Variants in KCND3 observed in about 807,000 individuals in gnomAD.
The protein encoded by KCND3 is potassium voltage-gated channel subfamily D member 3.
Under a neutral mutation model 51.1 loss-of-function variants are expected in KCND3, and 9 were observed. That is an observed-to-expected ratio of 0.18 (90% CI 0.11 to 0.31). The LOEUF is 0.31. Among genes scored for constraint, KCND3 ranks in the 10% least tolerant of loss-of-function variants. KCND3 has a pLI of 1.00. For synonymous variants in KCND3, 349 were observed against 368.0 expected (o/e 0.95, Z 0.59); for missense variants, 526 against 903.8 (o/e 0.58, Z 5.36).
chr1:111,886,796 G>T (rs1396449422), intron 2 of KCND3, among the ~76,000 whole-genome samples: 3 of 152,336 alleles, frequency 2.0e-5, no homozygotes, highest in South Asian at 4.1e-4. Flanking sequence ...CATGCCTGAG[G>T]TGACATGGCC....
chr1:111,879,531 G>A (rs538279343), intron 2 of KCND3, among the ~76,000 whole-genome samples: 1 of 152,292 alleles, frequency 6.6e-6, no homozygotes, highest in African/African-American at 2.4e-5. Flanking sequence ...TTCTTTCCAA[G>A]CTCTGCATGT....
chr1:111,896,640 G>C (rs759107982), intron 2 of KCND3, among the ~76,000 whole-genome samples: 8 of 152,276 alleles, frequency 5.3e-5, no homozygotes, highest in Middle Eastern at 3.4e-3. Context: ...TCCACTCAGC[G>C]GACAGCAATA....
In KCND3 at chr1:111,773,380, G is replaced by T. The variant is rs1231293699; in HGVS notation, c.*2697C>A. 6.7e-6 allele frequency: 1 copy of T among 148,556 alleles called. No individual in the cohort carries two copies. Among genetic ancestry groups the T allele is most frequent in the Non-Finnish European group, 1.5e-5 (1 of 67,178 alleles). The allele number at this position is 148,556 out of a possible 1,614,324, so 9.2% of individuals were successfully genotyped here. ...TAAATTCATCACAGGAAGTTTGTATGTGTGTGCAACCAGTTCTAATTTACC... is the reference window on the plus strand; with the variant it reads ...TAAATTCATCACAGGAAGTTTGTATTTGTGTGCAACCAGTTCTAATTTACC... On this transcript the variant is annotated 3_prime_UTR_variant, in exon 8 of 8. Coordinates refer to ENST00000302127, the MANE Select transcript of KCND3 (RefSeq NM_001378969.1).
chr1:111,922,028 A>T (rs1343317991), intron 2 of KCND3, among the ~76,000 whole-genome samples: 3 of 152,186 alleles, frequency 2.0e-5, no homozygotes, highest in Non-Finnish European at 2.9e-5. Context: ...TTCTCTTCTC[A>T]AGGCAGCTAA....
At chr1:111,888,448 G>A (rs1404175851) in intron 2 of KCND3, among the ~76,000 whole-genome samples, 2 of 152,200 alleles carry the variant, frequency 1.3e-5, no homozygotes, top group African/African-American at 4.8e-5. Context: ...CACTTTGGGA[G>A]GCCAAGGCGG....
At chr1:111,918,745 T>C (rs186295949) in intron 2 of KCND3, among the ~76,000 whole-genome samples, 1 of 152,052 alleles carries the variant, frequency 6.6e-6, no homozygotes, top group Non-Finnish European at 1.5e-5. Context: ...AAAGGAAGTA[T>C]GGGAAGTACT....
rs559343864 is a variant in KCND3 at position 111,900,951 on chromosome 1, C to T, written c.1106+80670G>A. ...CAGCCTGGGCGACAAGAGTGAAACT[C>T]CATCTAAAAAAACAAAAGAAACAAA... On this transcript the variant is annotated intron_variant, in intron 2 of 7. Coordinates refer to ENST00000302127, the MANE Select transcript of KCND3 (RefSeq NM_001378969.1). 7.2e-5 allele frequency among the ~76,000 whole-genome samples: 11 copies of T among 152,048 alleles called. No homozygotes were observed. The East Asian group carries it at 1.9e-3, about 27-fold the overall frequency.
rs950704726 is a variant in KCND3, at chr1:111,858,510, T to A, written c.1107-71404A>T. On this transcript the variant is annotated intron_variant, in intron 2 of 7. Transcript: ENST00000302127. ...ATTAGACTTTTAAATAGCATGGGAA[T>A]GAAGACAAATATAATCCAGACTAAA... Among the ~76,000 whole-genome samples the A allele has an allele frequency of 2.0e-5, 3 of 152,302 alleles. No individual in the cohort carries two copies. In the East Asian group the frequency reaches 5.8e-4, roughly 29 times the overall value.
chr1:111,942,890 C>T (rs762878069), intron 2 of KCND3, among the ~76,000 whole-genome samples: 45 of 152,260 alleles, frequency 3.0e-4, no homozygotes, highest in Admixed American at 7.8e-4. Flanking sequence ...TTGGACTTCC[C>T]GGCCTTCTTT....
chr1:111,954,321 G>C (rs10857915), intron 2 of KCND3, among the ~76,000 whole-genome samples: 73,160 of 152,020 alleles, frequency 0.48, 18,028 homozygotes, highest in Admixed American at 0.6. Context: ...AACTGTGCCC[G>C]CTACCCCACC....
At chr1:111,956,906 C>G (rs1673369640) in intron 2 of KCND3, among the ~76,000 whole-genome samples, 1 of 152,278 alleles carries the variant, frequency 6.6e-6, no homozygotes, top group Middle Eastern at 3.4e-3. Flanking sequence ...GTTTAAAGGT[C>G]TCTGGAGAAG....
chr1:111,877,645 G>C (rs994076869), intron 2 of KCND3, among the ~76,000 whole-genome samples: 1 of 152,228 alleles, frequency 6.6e-6, no homozygotes, highest in Non-Finnish European at 1.5e-5. Context: ...TGCTGGGAGA[G>C]AGGCGTCATA....
chr1:111,874,952 A>G (rs1183134095), intron 2 of KCND3, among the ~76,000 whole-genome samples: 1 of 152,356 alleles, frequency 6.6e-6, no homozygotes, highest in East Asian at 1.9e-4. Context: ...TCAGCCTGCA[A>G]TAGGGAAGGC....
At chr1:111,961,569 C>A (rs1673658849) in intron 2 of KCND3, among the ~76,000 whole-genome samples, 1 of 152,200 alleles carries the variant, frequency 6.6e-6, no homozygotes, top group Non-Finnish European at 1.5e-5. Flanking sequence ...CTCCTTGCCT[C>A]CCTTCCCATC....
Position 111,847,387 on chromosome 1 carries a change from G to A in KCND3, c.1107-60281C>T, listed in dbSNP as rs565417741. The stretch of plus-strand genomic sequence containing the variant: ...GTGTGTTTTGCTGCAACGTGGGCTC[G>A]CCTATGCCTCTTATCCAAGATAAAA... On this transcript the variant is annotated intron_variant, in intron 2 of 7. Transcript: ENST00000302127. Among the ~76,000 whole-genome samples the A allele has an allele frequency of 2.0e-5, 3 of 152,196 alleles. No individual in the cohort carries two copies. In the East Asian group the frequency reaches 5.8e-4, roughly 29 times the overall value.
At chr1:111,865,684 G>A (rs1332793364) in intron 2 of KCND3, among the ~76,000 whole-genome samples, 1 of 152,066 alleles carries the variant, frequency 6.6e-6, no homozygotes, top group Non-Finnish European at 1.5e-5. Context: ...TTTTTTTGGG[G>A]TTTCCTTAAA....
At chr1:111,954,635 G>C (rs1042550432) in intron 2 of KCND3, among the ~76,000 whole-genome samples, 1 of 152,188 alleles carries the variant, frequency 6.6e-6, no homozygotes, top group Non-Finnish European at 1.5e-5. Context: ...TCTGCCTCTA[G>C]GGCCCATGGT....
chr1:111,924,637 G>A (rs1429491315), intron 2 of KCND3, among the ~76,000 whole-genome samples: 4 of 152,158 alleles, frequency 2.6e-5, no homozygotes, highest in African/African-American at 9.7e-5. Flanking sequence ...TGAAGGGCCA[G>A]GGCAAGGGTG....
intron 2 of KCND3, among the ~76,000 whole-genome samples, chr1:111,912,268 G>C (rs532591702): frequency 1.4e-4 from 21 of 152,308 alleles, no homozygotes; most frequent in Admixed American, 1.3e-3. Flanking sequence ...TTATAAAAGA[G>C]ATGAAAAATT....
Sources: allele counts gnomAD v4.1 joint callset (sites outside exome capture counted in the v4.1 genomes callset), GRCh38; gene constraint gnomAD v4.1.1; transcripts MANE v1.5; gene names NCBI Gene and HGNC (gene_info 2026-07-23, HGNC 2026-07-21).